Variants in KCND2 observed in about 807,000 individuals in gnomAD.
KCND2 encodes the protein potassium voltage-gated channel subfamily D member 2.
Under a neutral mutation model 54.4 loss-of-function variants are expected in KCND2, and 16 were observed. The ratio of observed to expected loss-of-function variants is 0.29; its 90% confidence interval spans 0.20 to 0.45. KCND2 has a LOEUF of 0.45. Ranked by LOEUF, KCND2 falls within the 20% of genes least tolerant of loss-of-function variation. The pLI, the probability that KCND2 is intolerant of heterozygous loss-of-function variation, is 1.00. For synonymous variants in KCND2, 317 were observed against 310.7 expected, an observed-to-expected ratio of 1.02 and a Z score of -0.21; for missense variants, 486 against 824.2, an observed-to-expected ratio of 0.59 and a Z score of 5.02.
rs1030186845 is a variant in KCND2, at chr7:120,439,005, G to T, written c.1115+163258G>T. Among the ~76,000 whole-genome samples the T allele has an allele frequency of 2.7e-4, 41 of 152,114 alleles. 1 individual carries two copies. The highest frequency in any genetic ancestry group is 8.9e-4 in the African/African-American group (37 of 41,532). On this transcript the variant is annotated intron_variant, in intron 1 of 5. Coordinates refer to ENST00000331113, the MANE Select transcript of KCND2 (RefSeq NM_012281.3). ...TCTTGTTCAGCATGGCTGAATCTTAGTTTAAGAAGGTCAATAGTGGAATAG... is the reference window on the plus strand; with the variant it reads ...TCTTGTTCAGCATGGCTGAATCTTATTTTAAGAAGGTCAATAGTGGAATAG...
chr7:120,349,293 G>A (rs1800367351), intron 1 of KCND2, among the ~76,000 whole-genome samples: 1 of 146,114 alleles, frequency 6.8e-6, no homozygotes, highest in Admixed American at 7.2e-5. Context: ...CATCTAAGCT[G>A]CTATACACAC....
intron 1 of KCND2, among the ~76,000 whole-genome samples, chr7:120,576,235 T>C (rs1040310674): frequency 6.6e-6 from 1 of 152,218 alleles, no homozygotes; most frequent in African/African-American, 2.4e-5. Context: ...GAAAAATTTT[T>C]GAATGAATTA....
intron 1 of KCND2, among the ~76,000 whole-genome samples, chr7:120,298,373 T>C (rs879711600): frequency 1.3e-5 from 2 of 152,202 alleles, no homozygotes; most frequent in African/African-American, 2.4e-5. Context: ...GATTTTCACA[T>C]TGAGAAGAAC....
chr7:120,492,643 G>A (rs906817733), intron 1 of KCND2, among the ~76,000 whole-genome samples: 6 of 151,936 alleles, frequency 3.9e-5, no homozygotes, highest in Non-Finnish European at 5.9e-5. Flanking sequence ...CTTTTATAAG[G>A]ACACTACAGA....
chr7:120,643,857 A>G (rs1410870302), intron 1 of KCND2, among the ~76,000 whole-genome samples: 1 of 151,306 alleles, frequency 6.6e-6, no homozygotes, highest in African/African-American at 2.4e-5. Flanking sequence ...TATTCATTTT[A>G]TATATATGAA....
At chr7:120,395,985 C>T (rs551824379) in intron 1 of KCND2, among the ~76,000 whole-genome samples, 1 of 152,138 alleles carries the variant, frequency 6.6e-6, no homozygotes, top group South Asian at 2.1e-4. Context: ...TTACCTGGGA[C>T]TACATTTTGT....
At chr7:120,322,682 T>G (rs1156851040) in intron 1 of KCND2, among the ~76,000 whole-genome samples, 1 of 152,110 alleles carries the variant, frequency 6.6e-6, no homozygotes, top group African/African-American at 2.4e-5. Context: ...AGTCTCCATA[T>G]CCTGTTCTCT....
intron 1 of KCND2, among the ~76,000 whole-genome samples, chr7:120,712,325 G>A (rs190670366): frequency 0.021 from 2,731 of 127,032 alleles, 27 homozygotes; most frequent in African/African-American, 0.031. Context: ...GTGCAGTGGC[G>A]TGATCTTGGC....
chr7:120,688,170 T>C (rs1792227380), intron 1 of KCND2, among the ~76,000 whole-genome samples: 1 of 152,160 alleles, frequency 6.6e-6, no homozygotes, highest in Non-Finnish European at 1.5e-5. Context: ...ATAACTGAAG[T>C]GTCCACTTTA....
chr7:120,740,897 G>T (rs993448041), intron 2 of KCND2: 6 of 442,408 alleles, frequency 1.4e-5, no homozygotes. Flanking sequence ...ATTCACAGTT[G>T]TTTTTGTTTA....
chr7:120,431,887 C>G (rs1801793097), intron 1 of KCND2, among the ~76,000 whole-genome samples: 1 of 152,004 alleles, frequency 6.6e-6, no homozygotes, highest in South Asian at 2.1e-4. Context: ...ACATAATCTT[C>G]CATACTCTAC....
intron 1 of KCND2, among the ~76,000 whole-genome samples, chr7:120,694,502 C>G (rs1445290126): frequency 6.6e-6 from 1 of 152,122 alleles, no homozygotes; most frequent in Non-Finnish European, 1.5e-5. Flanking sequence ...CTATGCGAGC[C>G]TGGCCATGTA....
intron 1 of KCND2, among the ~76,000 whole-genome samples, chr7:120,319,004 C>A (rs936410676): frequency 3.3e-5 from 5 of 152,056 alleles, no homozygotes; most frequent in African/African-American, 1.2e-4. Context: ...GTTCTATTAT[C>A]ATCACTACAA....
intron 1 of KCND2, among the ~76,000 whole-genome samples, chr7:120,422,692 C>T (rs1801643526): frequency 6.6e-6 from 1 of 152,188 alleles, no homozygotes; most frequent in Non-Finnish European, 1.5e-5. Context: ...CCTCGCTCTG[C>T]TTTCTCTGGG....
intron 1 of KCND2, among the ~76,000 whole-genome samples, chr7:120,719,473 C>T (rs1165564411): frequency 6.6e-6 from 1 of 152,188 alleles, no homozygotes; most frequent in Non-Finnish European, 1.5e-5. Flanking sequence ...TAGCTATTCA[C>T]ATTAATGACA....
chr7:120,619,781 G>C (rs753889537), intron 1 of KCND2, among the ~76,000 whole-genome samples: 4 of 152,110 alleles, frequency 2.6e-5, no homozygotes, highest in Non-Finnish European at 5.9e-5. Flanking sequence ...TCCTTAAAGC[G>C]CATTAGCCCA....
intron 1 of KCND2, among the ~76,000 whole-genome samples, chr7:120,403,681 T>A (rs1316764720): frequency 6.6e-6 from 1 of 151,952 alleles, no homozygotes; most frequent in African/African-American, 2.4e-5. Flanking sequence ...CACATTCAAA[T>A]TTTTAATTTA....
At chr7:120,708,344 G>A (rs1194155804) in intron 1 of KCND2, among the ~76,000 whole-genome samples, 2 of 152,108 alleles carry the variant, frequency 1.3e-5, no homozygotes, top group Non-Finnish European at 2.9e-5. Context: ...AGAGCTGAAC[G>A]AGTAGAAAAT....
intron 1 of KCND2, among the ~76,000 whole-genome samples, chr7:120,598,367 T>C (rs1792773166): frequency 6.6e-6 from 1 of 152,192 alleles, no homozygotes; most frequent in African/African-American, 2.4e-5. Context: ...TAGATTATCA[T>C]TTTATATAGG....
Sources: allele counts gnomAD v4.1 joint callset (sites outside exome capture counted in the v4.1 genomes callset), GRCh38; gene constraint gnomAD v4.1.1; transcripts MANE v1.5; gene names NCBI Gene and HGNC (gene_info 2026-07-23, HGNC 2026-07-21).